HELZ2: variants seen among roughly 807,000 people sequenced by gnomAD.
HELZ2 encodes helicase with zinc finger 2, also known as 3'-5' exoribonuclease HELZ2.
Under a neutral mutation model 208.8 loss-of-function variants are expected in HELZ2, and 143 were observed. That is an observed-to-expected ratio of 0.68 (90% CI 0.60 to 0.79). The LOEUF (loss-of-function observed/expected upper bound fraction) is 0.79, where lower values mean the gene tolerates loss of function less well. HELZ2 is among the 30% of genes least tolerant of loss of function. HELZ2 has a pLI of 0.00. For missense variants in HELZ2, 3,690 were observed against 3,794.5 expected, an observed-to-expected ratio of 0.97 and a Z score of 0.72; for synonymous variants, 1,705 against 1,693.7, an observed-to-expected ratio of 1.01 and a Z score of -0.16.
chr20:63,567,160 C>A (rs767184266), exon 6 of HELZ2: 1 of 1,609,670 alleles, frequency 6.2e-7, no homozygotes, highest in Non-Finnish European at 8.5e-7. Flanking sequence ...GCGGCTCTGC[C>A]GCGCCACCTC....
exon 14 of HELZ2, chr20:63,561,169 G>A (rs146799004): frequency 1.1e-5 from 17 of 1,612,998 alleles, no homozygotes; most frequent in South Asian, 3.3e-5. Context: ...TCTGCCTCAC[G>A]TCCAGGATTT....
chr20:63,567,624 G>T (rs371388731), exon 6 of HELZ2: 3 of 1,599,294 alleles, frequency 1.9e-6, no homozygotes, highest in Non-Finnish European at 2.6e-6. Flanking sequence ...AGATGTCGGC[G>T]GCACTGCGGG....
chr20:63,560,602 G>A (rs141657913), exon 16 of HELZ2: 257 of 1,611,804 alleles, frequency 1.6e-4, no homozygotes, highest in African/African-American at 1.5e-3. Context: ...CCTTGCCAGC[G>A]TGGCCCAGGA....
Position 63,562,273 on chromosome 20 carries a change from G to T in HELZ2, c.6397+15C>A. 6.3e-7 allele frequency: 1 copy of T among 1,596,186 alleles called. No individual in the cohort carries two copies. On this transcript the variant is annotated intron_variant, in intron 9 of 18. Coordinates refer to ENST00000467148, the Ensembl canonical transcript of HELZ2. ...GGGGGCCAGAGGGGAAGCTGGAGGG[G>T]TGGGGCAGACCTACCTCTGCAGAGG...
exon 6 of HELZ2, chr20:63,567,619 T>G (rs1569036237): frequency 1.9e-6 from 3 of 1,600,042 alleles, no homozygotes; most frequent in Non-Finnish European, 8.5e-7. Flanking sequence ...GATGTAGATG[T>G]CGGCGGCACT....
chr20:63,564,848 G>T (rs141914575), exon 8 of HELZ2: 1 of 1,611,782 alleles, frequency 6.2e-7, no homozygotes, highest in East Asian at 2.2e-5. Context: ...GCCAAGCTCC[G>T]TGTGGTATTT....
chr20:63,563,592 C>G (rs753723249), exon 8 of HELZ2: 3 of 1,532,074 alleles, frequency 2.0e-6, no homozygotes, highest in East Asian at 4.9e-5. Flanking sequence ...ACGTCCACCA[C>G]GAAGCCCAGC....
exon 5 of HELZ2, chr20:63,568,980 C>T (rs1476930874): frequency 1.1e-5 from 17 of 1,602,510 alleles, no homozygotes; most frequent in Non-Finnish European, 1.4e-5. Flanking sequence ...TTCAGGAACA[C>T]CTGGCCCCGC....
At chr20:63,558,985 C>A (rs112388774), downstream of HELZ2, 1 of 370,566 alleles carries the variant, frequency 2.7e-6, no homozygotes, top group Non-Finnish European at 4.9e-6. Flanking sequence ...GACAGCAGAA[C>A]TTCCTTGCAC....
At chr20:63,567,295 G>A (rs1450098055) in exon 6 of HELZ2, 2 of 1,610,178 alleles carry the variant, frequency 1.2e-6, no homozygotes, top group South Asian at 1.1e-5. Flanking sequence ...CACGAGGCGG[G>A]TGCCGTGCGA....
At position 63,564,831 on chromosome 20, in the gene HELZ2, C is replaced by G. The variant is rs777128565; in HGVS notation, c.3991G>C (p.Ala1331Pro). ...GCGCGGCAGTCCTCTCGGCGGCCGG[C>G]AACCCGGCCAAGCTCCGTGTGGTAT... The change falls in exon 8 of 19, where the codon GCC becomes CCC. Residue 1331 changes from alanine to proline, a missense_variant. By Grantham distance (27) the Ala-to-Pro change is conservative (BLOSUM62 -1). Transcript: ENST00000467148. The G allele has an allele frequency of 1.4e-4, 227 of 1,609,986 alleles. No individual in the cohort carries two copies. The highest frequency in any genetic ancestry group is 1.9e-4 in the Non-Finnish European group (219 of 1,177,684).
intron 3 of HELZ2, chr20:63,570,115 ATTTTTTTTT>A (rs56804055): frequency 0.22 from 62,730 of 288,310 alleles, 3,277 homozygotes; most frequent in East Asian, 0.48. Flanking sequence ...TGCCTGGCTA[ATTTTTTTTT>A]TTTTTTTTTT....
At chr20:63,563,028 T>C (rs1434033820) in exon 8 of HELZ2, 7 of 1,600,658 alleles carry the variant, frequency 4.4e-6, no homozygotes, top group Middle Eastern at 1.7e-4. Flanking sequence ...TACCGGTCCC[T>C]CGGGGCCCGG....
chr20:63,559,103 C>A (rs1265840500), downstream of HELZ2: 1 of 922,524 alleles, frequency 1.1e-6, no homozygotes, highest in Non-Finnish European at 1.6e-6. Context: ...TCCTCCAAGT[C>A]CACCCACTTC....
At chr20:63,564,829 G>T (rs3810488) in exon 8 of HELZ2, 3 of 1,609,536 alleles carry the variant, frequency 1.9e-6, no homozygotes, top group Non-Finnish European at 2.5e-6. Context: ...CTCGGCGGCC[G>T]GCAACCCGGC....
chr20:63,569,455 G>T, exon 4 of HELZ2: 1 of 1,609,796 alleles, frequency 6.2e-7, no homozygotes, highest in Non-Finnish European at 8.5e-7. Context: ...AGCAGCACCG[G>T]CCGGCGGCCA....
In HELZ2 at chr20:63,567,644, A is replaced by G; in HGVS notation, c.1731-17T>C. On this transcript the variant is annotated splice_polypyrimidine_tract_variant and intron_variant, in intron 5 of 18. Coordinates refer to ENST00000467148, the Ensembl canonical transcript of HELZ2. ...TCGGCGGCACTGCGGGAGGGGGAGGAGCTCATGGGCTTCTTGCTGGGGGCC... is the reference window on the plus strand; with the variant it reads ...TCGGCGGCACTGCGGGAGGGGGAGGGGCTCATGGGCTTCTTGCTGGGGGCC... 1 of 1,594,496 alleles carries G rather than the reference A, an allele frequency of 6.3e-7. No individual in the cohort carries two copies. The highest frequency in any genetic ancestry group is 8.5e-7 in the Non-Finnish European group (1 of 1,173,084).
intron 5 of HELZ2, 53 bp downstream of exon 6, chr20:63,568,305 T>G: frequency 7.3e-7 from 1 of 1,368,860 alleles, no homozygotes; most frequent in Non-Finnish European, 1.0e-6. Context: ...CTGCCCGGTG[T>G]AGACTTGGGC....
At position 63,568,418 on chromosome 20, in the gene HELZ2, GCC is replaced by G; in HGVS notation, c.1668_1669del (p.Met556IlefsTer10). 1 of 1,608,560 alleles carries G rather than the reference GCC, an allele frequency of 6.2e-7. No homozygotes were observed. Among genetic ancestry groups the G allele is most frequent in the Non-Finnish European group, 8.5e-7 (1 of 1,178,548 alleles). ...AGGCCTCCGGATGACCTCCAGGGAG[GCC>G]ATGGCCAGCGTGTAGGTCTTGCCGG... On this transcript the variant is annotated frameshift_variant, in exon 5 of 19. Transcript: ENST00000467148. LOFTEE classifies it high-confidence loss of function.
Sources: gnomAD v4.1 joint callset for allele counts on GRCh38, gnomAD v4.1.1 for gene constraint, MANE v1.5 for transcripts, NCBI Gene and HGNC (gene_info 2026-07-23, HGNC 2026-07-21) for gene names.